PRR5L: variants seen among roughly 807,000 people sequenced by gnomAD.
The protein encoded by PRR5L is proline rich 5 like, also known as proline-rich protein 5-like.
PRR5L carries 21 observed loss-of-function variants against 36.4 expected under a neutral mutation model. The ratio of observed to expected loss-of-function variants is 0.58; its 90% CI spans 0.41 to 0.83. The LOEUF (loss-of-function observed/expected upper bound fraction) is 0.83, where lower values mean the gene tolerates loss of function less well. PRR5L is among the 40% of genes least tolerant of loss of function. PRR5L has a pLI of 0.00. For missense variants in PRR5L, 381 were observed against 473.3 expected, an observed-to-expected ratio of 0.80 and a Z score of 1.81; for synonymous variants, 188 against 197.0, an observed-to-expected ratio of 0.95 and a Z score of 0.38.
intron 1 of PRR5L, among the ~76,000 whole-genome samples, chr11:36,397,657 A>G (rs149232703): frequency 0.014 from 2,170 of 151,500 alleles, 52 homozygotes; most frequent in African/African-American, 0.049. Flanking sequence ...GGGTTTTGCC[A>G]TATTGACCAG....
Position 36,431,472 on chromosome 11 carries a change from AAT to A in PRR5L, c.295-378_295-377del, listed in dbSNP as rs199599724. On this transcript the variant is annotated intron_variant, in intron 4 of 8. Transcript: ENST00000530639. ...AAATTTATCTTTTTTTTTAAAAAAA[AAT>A]ATGTTATTTCTGCATAGTTTCCCAT... Among the ~76,000 whole-genome samples the A allele has an allele frequency of 1.6e-3, 241 of 152,194 alleles. 4 individuals are homozygous for A. The South Asian group carries it at 0.035, about 22-fold the overall frequency.
chr11:36,381,606 A>G (rs547771575), intron 1 of PRR5L: 1 of 151,998 alleles, frequency 6.6e-6, no homozygotes, highest in Non-Finnish European at 1.5e-5. Context: ...AATTCTAAAT[A>G]CTTCTCTGGA....
At chr11:36,456,620 C>T (rs1859063313) in intron 8 of PRR5L, among the ~76,000 whole-genome samples, 1 of 152,224 alleles carries the variant, frequency 6.6e-6, no homozygotes, top group South Asian at 2.1e-4. Flanking sequence ...GCTGTCAGCT[C>T]TGGGTTTGAG....
intron 1 of PRR5L, among the ~76,000 whole-genome samples, chr11:36,337,873 T>G (rs530751354): frequency 1.3e-4 from 20 of 152,376 alleles, no homozygotes; most frequent in African/African-American, 3.6e-4. Context: ...GAAGTTTCTT[T>G]AATGTGAAAC....
chr11:36,457,638 A>G (rs978628391), intron 8 of PRR5L, among the ~76,000 whole-genome samples: 6 of 152,092 alleles, frequency 3.9e-5, no homozygotes, highest in African/African-American at 1.4e-4. Flanking sequence ...AAAACAAAAC[A>G]AAACATCGAA....
intron 1 of PRR5L, chr11:36,393,960 A>G (rs1438456725): frequency 6.6e-6 from 1 of 152,242 alleles, no homozygotes; most frequent in African/African-American, 2.4e-5. Context: ...GAGACCCCAA[A>G]GGAAATCAAC....
chr11:36,448,602 C>A (rs1462826336), intron 7 of PRR5L, among the ~76,000 whole-genome samples: 1 of 152,168 alleles, frequency 6.6e-6, no homozygotes, highest in African/African-American at 2.4e-5. Flanking sequence ...ATTAATTAAA[C>A]ACTGTCCAGG....
chr11:36,391,856 T>G (rs911924345), intron 1 of PRR5L, among the ~76,000 whole-genome samples: 1 of 152,254 alleles, frequency 6.6e-6, no homozygotes, highest in Admixed American at 6.5e-5. Flanking sequence ...CTTAGTTATT[T>G]TAAAATATAG....
At chr11:36,319,507 C>T (rs1205974029) in intron 1 of PRR5L, among the ~76,000 whole-genome samples, 2 of 152,184 alleles carry the variant, frequency 1.3e-5, no homozygotes, top group Admixed American at 1.3e-4. Flanking sequence ...GTCATGTCGT[C>T]TCTATCACAG....
chr11:36,438,389 C>G (rs544103523), intron 6 of PRR5L, among the ~76,000 whole-genome samples: 2 of 152,302 alleles, frequency 1.3e-5, no homozygotes, highest in East Asian at 3.8e-4. Context: ...GACCTTATAC[C>G]ACATAGATTG....
intron 1 of PRR5L, among the ~76,000 whole-genome samples, chr11:36,321,928 C>T (rs1856617237): frequency 1.3e-5 from 2 of 152,138 alleles, no homozygotes; most frequent in South Asian, 4.1e-4. Context: ...GGACACCGGT[C>T]ATATGGGGTT....
chr11:36,413,213 TC>T (rs1858064435), intron 3 of PRR5L, among the ~76,000 whole-genome samples: 5 of 152,206 alleles, frequency 3.3e-5, no homozygotes, highest in Non-Finnish European at 7.3e-5. Flanking sequence ...TGCTGGGGAC[TC>T]CTGGCCCCCT....
intron 1 of PRR5L, among the ~76,000 whole-genome samples, chr11:36,338,545 T>G (rs2133478218): frequency 6.6e-6 from 1 of 152,272 alleles, no homozygotes; most frequent in African/African-American, 2.4e-5. Context: ...CATTGTTAAT[T>G]TTTTACACAC....
At chr11:36,412,251 G>A (rs1858042960) in intron 3 of PRR5L, among the ~76,000 whole-genome samples, 1 of 152,106 alleles carries the variant, frequency 6.6e-6, no homozygotes, top group African/African-American at 2.4e-5. Context: ...TATTAAAATT[G>A]AGGATATTAT....
chr11:36,433,328 G>A (rs1425997627), intron 5 of PRR5L, among the ~76,000 whole-genome samples: 3 of 151,986 alleles, frequency 2.0e-5, no homozygotes, highest in Non-Finnish European at 2.9e-5. Flanking sequence ...TAATCTAGGC[G>A]TCTTATAAGT....
rs1483781147 is a variant in PRR5L at position 36,377,510 on chromosome 11, A to C, written c.-125-23487A>C. The C allele has an allele frequency of 1.3e-5, 2 of 152,262 alleles. No individual in the cohort carries two copies. The highest frequency in any genetic ancestry group is 4.8e-5 in the African/African-American group (2 of 41,418). The allele number at this position is 152,262 out of a possible 1,614,324, so 9.4% of individuals were successfully genotyped here. ...GGGCAGCTGGGACCCTGCCTGCCCAACCCTCCGGCCCATTTTCCTTGAGGC... is the reference window on the plus strand; with the variant it reads ...GGGCAGCTGGGACCCTGCCTGCCCACCCCTCCGGCCCATTTTCCTTGAGGC... On this transcript the variant is annotated intron_variant, in intron 1 of 8. Coordinates refer to ENST00000530639, the MANE Select transcript of PRR5L (RefSeq NM_001160167.2). This position sits in a 1 kb window ranked among gnomAD's most constrained non-coding sequence, Gnocchi z 5.1.
At position 36,451,294 on chromosome 11, in the gene PRR5L, T is replaced by C; in HGVS notation, c.671T>C (p.Ile224Thr). 1 of 1,614,228 alleles carries C rather than the reference T, an allele frequency of 6.2e-7. No homozygotes were observed. ...VKQVVSPFLG[I>T]SGDRSFSGPT... Reference sequence around the variant, plus strand: ...CAAGTGGTTTCTCCTTTCCTCGGCATCAGCGGGGACCGTAGCTTCTCAGGC... The same window carrying C: ...CAAGTGGTTTCTCCTTTCCTCGGCACCAGCGGGGACCGTAGCTTCTCAGGC... The change falls in exon 8 of 9, where the codon ATC becomes ACC. Residue 224 changes from isoleucine (I) to threonine (T), a missense_variant. Coordinates refer to ENST00000530639, the MANE Select transcript of PRR5L (RefSeq NM_001160167.2).
intron 1 of PRR5L, among the ~76,000 whole-genome samples, chr11:36,326,513 T>TACC (rs10690408): frequency 0.096 from 14,575 of 152,230 alleles, 1,270 homozygotes; most frequent in African/African-American, 0.24. Context: ...TTGATTGATC[T>TACC]ACCTCTTGAG....
At chr11:36,439,671 A>G (rs77982989) in intron 6 of PRR5L, among the ~76,000 whole-genome samples, 8,327 of 152,224 alleles carry the variant, frequency 0.055, 267 homozygotes, top group Non-Finnish European at 0.071. Flanking sequence ...GAGGTGGCGA[A>G]GATCTGCAGC....
Sources: allele counts gnomAD v4.1 joint callset (sites outside exome capture counted in the v4.1 genomes callset), GRCh38; gene constraint gnomAD v4.1.1; non-coding constraint Gnocchi (gnomAD v3.1); transcripts MANE v1.5; gene names NCBI Gene and HGNC (gene_info 2026-07-23, HGNC 2026-07-21).